PTPRS: variants seen among roughly 807,000 people sequenced by gnomAD.
PTPRS encodes the protein receptor-type tyrosine-protein phosphatase S.
A neutral mutation model predicts 215.3 loss-of-function variants in PTPRS; 63 were observed. That is an observed-to-expected ratio of 0.29 (90% CI 0.24 to 0.36). PTPRS has a LOEUF of 0.36. PTPRS is among the 10% of genes least tolerant of loss of function. The pLI is 1.00. For synonymous variants in PTPRS, 1,404 were observed against 1,191.4 expected (o/e 1.18, Z -3.68); for missense variants, 2,258 against 2,825.8 (o/e 0.80, Z 4.56).
At chr19:5,263,469 A>G (rs1476712919) in intron 5 of PTPRS, among the ~76,000 whole-genome samples, 1 of 151,786 alleles carries the variant, frequency 6.6e-6, no homozygotes, top group Non-Finnish European at 1.5e-5. Context: ...GGCGCTGGGG[A>G]TGATTCGGGG....
In PTPRS at chr19:5,239,486, GAGAC is replaced by G. The variant is rs980876064; in HGVS notation, c.1705-427_1705-424del. 2.0e-4 allele frequency among the ~76,000 whole-genome samples: 31 copies of G among 151,758 alleles called. 1 individual carries two copies. Among genetic ancestry groups the G allele is most frequent in the Non-Finnish European group, 3.1e-4 (21 of 67,948 alleles). On this transcript the variant is annotated intron_variant, in intron 12 of 37. Coordinates refer to ENST00000262963, the MANE Select transcript of PTPRS (RefSeq NM_002850.4). Reference sequence around the variant, plus strand: ...AGAGACAGAGACAGAGAGAGATACAGAGACAGACAGAAACAGGAGAGAGATACAG... The same window carrying G: ...AGAGACAGAGACAGAGAGAGATACAGAGACAGAAACAGGAGAGAGATACAG...
At chr19:5,225,679 TG>T in intron 17 of PTPRS, 47 bp downstream of exon 17, 2 of 1,479,706 alleles carry the variant, frequency 1.4e-6, no homozygotes, top group Non-Finnish European at 1.9e-6. Flanking sequence ...CTGGTGCCAG[TG>T]GGGGCAAAGG....
intron 1 of PTPRS, among the ~76,000 whole-genome samples, chr19:5,296,569 G>A (rs7254738): frequency 0.72 from 106,567 of 147,208 alleles, 38,763 homozygotes; most frequent in African/African-American, 0.86. Flanking sequence ...CAAAGACCAG[G>A]AGAAGGTGAG....
chr19:5,256,245 T>C, intron 8 of PTPRS, 126 bp from the exon 9 acceptor site: 2 of 740,652 alleles, frequency 2.7e-6, no homozygotes, highest in South Asian at 3.9e-5. Context: ...TTGTTGTTTT[T>C]TTTTTCTTTA....
chr19:5,243,551 C>T (rs2044226286), intron 11 of PTPRS, among the ~76,000 whole-genome samples: 1 of 151,490 alleles, frequency 6.6e-6, no homozygotes, highest in Admixed American at 6.6e-5. Context: ...ATGATCTCAG[C>T]TCACTGCAAC....
intron 1 of PTPRS, among the ~76,000 whole-genome samples, chr19:5,311,410 G>A (rs2049698112): frequency 6.6e-6 from 1 of 152,180 alleles, no homozygotes; most frequent in African/African-American, 2.4e-5. Context: ...GTGAGGATCA[G>A]GGCCTGGTAT....
intron 12 of PTPRS, among the ~76,000 whole-genome samples, chr19:5,239,667 G>A (rs1050288116): frequency 6.6e-6 from 1 of 151,484 alleles, no homozygotes; most frequent in East Asian, 1.9e-4. Flanking sequence ...GACAGAGAAA[G>A]AGAGGAGAGA....
chr19:5,270,202 CA>C (rs2046787365), intron 4 of PTPRS, among the ~76,000 whole-genome samples: 1 of 152,190 alleles, frequency 6.6e-6, no homozygotes, highest in East Asian at 1.9e-4. Flanking sequence ...ATCCAGGACC[CA>C]CGCAAATGAA....
chr19:5,243,822 G>T, intron 11 of PTPRS, 79 bp downstream of exon 11: 1 of 1,264,058 alleles, frequency 7.9e-7, no homozygotes, highest in Non-Finnish European at 1.1e-6. Context: ...CCCACAAACC[G>T]CTCTGCGGCT....
intron 25 of PTPRS, among the ~76,000 whole-genome samples, chr19:5,217,379 AACAC>A (rs1168116921): frequency 6.6e-6 from 1 of 152,160 alleles, no homozygotes; most frequent in African/African-American, 2.4e-5. Flanking sequence ...AAACCAAAGC[AACAC>A]GAATCAGTAC....
In PTPRS at chr19:5,233,946, C is replaced by CAAA. The variant is rs57529862; in HGVS notation, c.1850-2334_1850-2332dup. Among the ~76,000 whole-genome samples, 324 of 27,746 alleles carry CAAA rather than the reference C, an allele frequency of 0.012. 102 individuals are homozygous for CAAA. The Middle Eastern group carries it at 0.2, about 17-fold the overall frequency. 18.2% of individuals were successfully genotyped at this position (27,746 alleles called of 152,430 possible). A position where few individuals can be genotyped will look rare whatever the true frequency, so the allele number is the denominator to read the frequency against. ...GGGCAACAGGGCAAGACTCCATCTCCAAAAAAAAAAAAAAAAAAAAAAAAA... is the reference window on the plus strand; with the variant it reads ...GGGCAACAGGGCAAGACTCCATCTCCAAAAAAAAAAAAAAAAAAAAAAAAAAAA... On this transcript the variant is annotated intron_variant, in intron 13 of 37. Coordinates refer to ENST00000262963, the MANE Select transcript of PTPRS (RefSeq NM_002850.4).
intron 13 of PTPRS, among the ~76,000 whole-genome samples, chr19:5,232,364 G>T (rs574287518): frequency 6.6e-6 from 1 of 151,350 alleles, no homozygotes. Flanking sequence ...ATACCAAGGG[G>T]AATGGCAGCA....
intron 1 of PTPRS, among the ~76,000 whole-genome samples, chr19:5,326,972 G>A (rs1464044343): frequency 6.6e-6 from 1 of 152,158 alleles, no homozygotes; most frequent in Admixed American, 6.6e-5. Flanking sequence ...CAGACCTAGA[G>A]AGTCACAACT....
intron 2 of PTPRS, among the ~76,000 whole-genome samples, chr19:5,285,340 G>A (rs1285029137): frequency 1.3e-5 from 2 of 152,194 alleles, no homozygotes; most frequent in Non-Finnish European, 2.9e-5. Context: ...ATGGTGGGGT[G>A]AGTCTTGGCA....
At chr19:5,308,551 G>A (rs2049579427) in intron 1 of PTPRS, among the ~76,000 whole-genome samples, 1 of 152,124 alleles carries the variant, frequency 6.6e-6, no homozygotes, top group South Asian at 2.1e-4. Context: ...GGTGAGCATC[G>A]AGTGCCAAGC....
At chr19:5,324,583 G>C (rs1164372583) in intron 1 of PTPRS, among the ~76,000 whole-genome samples, 1 of 152,204 alleles carries the variant, frequency 6.6e-6, no homozygotes, top group African/African-American at 2.4e-5. Flanking sequence ...ATGGGTTAAA[G>C]GGGGGAGGCC....
chr19:5,216,330 C>T (rs1458125632), intron 26 of PTPRS, among the ~76,000 whole-genome samples: 1 of 152,124 alleles, frequency 6.6e-6, no homozygotes, highest in African/African-American at 2.4e-5. Context: ...GACCTGTGTA[C>T]CGGATGTTCA....
At chr19:5,222,370 TGGCCC>T (rs570254290) in intron 18 of PTPRS, 150 bp from the exon 19 acceptor site, 16 of 721,544 alleles carry the variant, frequency 2.2e-5, no homozygotes, top group Admixed American at 1.1e-4. Context: ...TGCCTGGCCC[TGGCCC>T]GGCCCTGCCC....
At chr19:5,219,495 C>A (rs1418204458) in intron 22 of PTPRS, 28 bp from the exon 23 acceptor site, 1 of 1,540,372 alleles carries the variant, frequency 6.5e-7, no homozygotes, top group Non-Finnish European at 8.7e-7. Context: ...GGGTCTCCAT[C>A]AGTGTCCACC....
Sources: gnomAD v4.1 joint callset for allele counts (sites outside exome capture counted in the v4.1 genomes callset) on GRCh38, gnomAD v4.1.1 for gene constraint, MANE v1.5 for transcripts, NCBI Gene and HGNC (gene_info 2026-07-23, HGNC 2026-07-21) for gene names.